ARNT2: variants seen among roughly 807,000 people sequenced by gnomAD.
ARNT2 encodes the protein aryl hydrocarbon receptor nuclear translocator 2, also known as ARNT protein 2.
A neutral mutation model predicts 91.7 loss-of-function variants in ARNT2; 36 were observed. The observed-to-expected ratio is 0.39, with a 90% CI of 0.30 to 0.52. ARNT2 has a LOEUF of 0.52. ARNT2 is among the 20% of genes least tolerant of loss of function. The pLI is 0.72. For missense variants in ARNT2, 775 were observed against 939.3 expected (o/e 0.83, Z 2.29); for synonymous variants, 365 against 347.1 (o/e 1.05, Z -0.57).
chr15:80,497,828 C>G (rs1282186335), intron 5 of ARNT2, among the ~76,000 whole-genome samples: 1 of 152,180 alleles, frequency 6.6e-6, no homozygotes. Context: ...GAGGAAAACA[C>G]TTTACTCAGC....
intron 11 of ARNT2, 123 bp from the exon 12 acceptor site, chr15:80,562,965 A>G: frequency 1.9e-6 from 2 of 1,057,098 alleles, no homozygotes; most frequent in Non-Finnish European, 2.9e-6. Flanking sequence ...TCTTTTAGCC[A>G]CAATGCCCCT....
At chr15:80,411,344 A>G (rs1296229229) in intron 1 of ARNT2, among the ~76,000 whole-genome samples, 1 of 152,232 alleles carries the variant, frequency 6.6e-6, no homozygotes, top group South Asian at 2.1e-4. Context: ...CCCATACAAT[A>G]GATACCCAGT....
intron 1 of ARNT2, among the ~76,000 whole-genome samples, chr15:80,440,231 A>G (rs1006548070): frequency 9.9e-5 from 15 of 152,190 alleles, no homozygotes; most frequent in African/African-American, 3.6e-4. Flanking sequence ...CTCAAGCATG[A>G]GACAAGTCAT....
In ARNT2 at chr15:80,550,826, CTT is replaced by C. The variant is rs1340600475; in HGVS notation, c.878-371_878-370del. 4.6e-5 allele frequency among the ~76,000 whole-genome samples: 7 copies of C among 152,334 alleles called. No homozygotes were observed. The South Asian group carries it at 1.4e-3, about 32-fold the overall frequency. ...TGCCTCAGATGGTCTTTGTTTCATT[CTT>C]TGTCAGCAGATAAGAGAGATATTTA... On this transcript the variant is annotated intron_variant, in intron 8 of 18. Transcript: ENST00000303329.
chr15:80,558,334 T>G (rs1389347023), intron 11 of ARNT2, among the ~76,000 whole-genome samples: 1 of 58,930 alleles, frequency 1.7e-5, no homozygotes, highest in Non-Finnish European at 3.6e-5. Flanking sequence ...ACGTCTGTGC[T>G]TTTTTTTTTT....
chr15:80,545,047 G>T (rs1367318654), intron 8 of ARNT2, among the ~76,000 whole-genome samples: 1 of 152,196 alleles, frequency 6.6e-6, no homozygotes, highest in Non-Finnish European at 1.5e-5. Context: ...TCATGAGGGT[G>T]TTGGGCTCAG....
intron 3 of ARNT2, among the ~76,000 whole-genome samples, chr15:80,465,875 T>C (rs1360747368): frequency 1.3e-5 from 2 of 150,708 alleles, no homozygotes; most frequent in African/African-American, 2.5e-5. Context: ...CAGCATCCTC[T>C]TCTGACCTTT....
intron 9 of ARNT2, 119 bp downstream of exon 9, chr15:80,551,394 T>A: frequency 1.0e-6 from 1 of 952,646 alleles, no homozygotes; most frequent in Admixed American, 2.1e-5. Context: ...TTGTTGGGTT[T>A]CGTGTCTCAC....
intron 15 of ARNT2, 58 bp from the exon 16 acceptor site, chr15:80,580,353 C>A (rs8037960): frequency 6.2e-7 from 1 of 1,603,054 alleles, no homozygotes; most frequent in African/African-American, 1.3e-5. Context: ...TGGCTGGGCA[C>A]GTAGACTCAT....
chr15:80,546,638 C>G (rs1015171841), intron 8 of ARNT2, among the ~76,000 whole-genome samples: 2 of 152,166 alleles, frequency 1.3e-5, no homozygotes, highest in African/African-American at 4.8e-5. Context: ...CGACTAGAGA[C>G]ATAGTCTTGG....
chr15:80,437,104 A>G (rs1282167921), intron 1 of ARNT2, among the ~76,000 whole-genome samples: 1 of 151,254 alleles, frequency 6.6e-6, no homozygotes, highest in Non-Finnish European at 1.5e-5. Context: ...TCCTTTCTGT[A>G]TATTCAGGGC....
intron 8 of ARNT2, among the ~76,000 whole-genome samples, chr15:80,540,035 G>A (rs1163209466): frequency 1.3e-5 from 2 of 151,970 alleles, no homozygotes; most frequent in African/African-American, 4.8e-5. Context: ...TCCCACTACT[G>A]GGTATTTATC....
intron 12 of ARNT2, among the ~76,000 whole-genome samples, chr15:80,571,656 C>T (rs1187404856): frequency 1.3e-5 from 2 of 152,220 alleles, no homozygotes; most frequent in African/African-American, 2.4e-5. Context: ...CTCACCACGG[C>T]TCTCACAGGT....
intron 14 of ARNT2, 133 bp from the exon 15 acceptor site, chr15:80,576,733 C>T (rs1258517511): frequency 2.2e-5 from 19 of 845,388 alleles, no homozygotes; most frequent in African/African-American, 8.3e-5. Flanking sequence ...GAGAAGATTG[C>T]GTGCAGGCGG....
chr15:80,471,540 A>G (rs957890915), intron 4 of ARNT2, among the ~76,000 whole-genome samples: 2 of 152,192 alleles, frequency 1.3e-5, no homozygotes, highest in African/African-American at 4.8e-5. Context: ...GAAAAAAGTT[A>G]AAGAAAAAAG....
intron 16 of ARNT2, 85 bp downstream of exon 16, chr15:80,580,634 G>A: frequency 1.9e-6 from 3 of 1,571,022 alleles, no homozygotes; most frequent in Non-Finnish European, 2.6e-6. Flanking sequence ...TTGCGGTTCT[G>A]AGGATGGGTC....
chr15:80,535,728 GTT>G (rs200894550), intron 8 of ARNT2, among the ~76,000 whole-genome samples: 2 of 127,084 alleles, frequency 1.6e-5, no homozygotes, highest in Non-Finnish European at 1.8e-5. Context: ...CATCACACAG[GTT>G]TTTTTTTTTT....
intron 12 of ARNT2, among the ~76,000 whole-genome samples, chr15:80,563,707 A>G (rs1898415503): frequency 6.6e-6 from 1 of 152,102 alleles, no homozygotes; most frequent in African/African-American, 2.4e-5. Flanking sequence ...CACCTCAAGG[A>G]CACATGATTT....
At chr15:80,486,394 C>T (rs1343367768) in intron 5 of ARNT2, among the ~76,000 whole-genome samples, 2 of 152,106 alleles carry the variant, frequency 1.3e-5, no homozygotes, top group Non-Finnish European at 2.9e-5. Context: ...GTTAACTTCA[C>T]CAGATATGTA....
Sources: gnomAD v4.1 joint callset for allele counts (sites outside exome capture counted in the v4.1 genomes callset) on GRCh38, gnomAD v4.1.1 for gene constraint, MANE v1.5 for transcripts, NCBI Gene and HGNC (gene_info 2026-07-23, HGNC 2026-07-21) for gene names.